Variants in WWOX observed in about 807,000 individuals in gnomAD.
WWOX encodes WW domain containing oxidoreductase.
Under a neutral mutation model 46.2 loss-of-function variants are expected in WWOX, and 69 were observed. The observed-to-expected ratio is 1.49, with a 90% confidence interval of 1.23 to 1.82. The LOEUF (loss-of-function observed/expected upper bound fraction) is 1.82, where lower values mean the gene tolerates loss of function less well. Ranked by LOEUF, WWOX falls within the 40% of genes most tolerant of loss-of-function variation. WWOX has a pLI of 0.00. For synonymous variants in WWOX, 359 were observed against 202.6 expected (o/e 1.77, Z -6.56); for missense variants, 919 against 542.6 (o/e 1.69, Z -6.89).
intron 5 of WWOX, among the ~76,000 whole-genome samples, chr16:78,243,387 G>A (rs1027033358): frequency 6.6e-6 from 1 of 151,740 alleles, no homozygotes; most frequent in African/African-American, 2.4e-5. Flanking sequence ...TTAGTTTCTG[G>A]GGTACTCGTG....
chr16:79,179,355 G>A (rs143703020), intron 8 of WWOX, among the ~76,000 whole-genome samples: 13 of 152,162 alleles, frequency 8.5e-5, no homozygotes, highest in Middle Eastern at 6.8e-3. Context: ...AGCAAATCAC[G>A]CCTTATTCCT....
chr16:78,558,728 C>T (rs777042790), intron 8 of WWOX, among the ~76,000 whole-genome samples: 3 of 152,224 alleles, frequency 2.0e-5, no homozygotes, highest in Non-Finnish European at 4.4e-5. Flanking sequence ...TCTCCCCAGT[C>T]TTGGCTTTGA....
intron 5 of WWOX, chr16:78,278,460 G>A (rs1031788565): frequency 2.7e-6 from 2 of 740,230 alleles, no homozygotes; most frequent in Non-Finnish European, 4.4e-6. Flanking sequence ...TTAAATAGGA[G>A]GTGTTGGAAG....
chr16:78,571,785 T>C (rs149926919), intron 8 of WWOX, among the ~76,000 whole-genome samples: 1 of 152,298 alleles, frequency 6.6e-6, no homozygotes, highest in East Asian at 1.9e-4. Flanking sequence ...GGAGAATCGC[T>C]GGAACCCGGG....
rs191497822 is a variant in WWOX at position 78,787,883 on chromosome 16, T to C, written c.1056+355131T>C. Among the ~76,000 whole-genome samples the C allele has an allele frequency of 3.1e-3, 465 of 152,322 alleles. 2 individuals are homozygous for C. Among genetic ancestry groups the C allele is most frequent in the African/African-American group, 0.011 (444 of 41,568 alleles). On this transcript the variant is annotated intron_variant, in intron 8 of 8. Coordinates refer to ENST00000566780, the MANE Select transcript of WWOX (RefSeq NM_016373.4). Reference sequence around the variant, plus strand: ...TTGTATCGTGGTTTTGATTTGCATTTCCCTCATGATTAATGATGTTGAGTA... The same window carrying C: ...TTGTATCGTGGTTTTGATTTGCATTCCCCTCATGATTAATGATGTTGAGTA...
intron 5 of WWOX, among the ~76,000 whole-genome samples, chr16:78,258,931 A>G (rs956318084): frequency 1.4e-4 from 21 of 152,174 alleles, no homozygotes; most frequent in African/African-American, 1.4e-4. Context: ...TGCTTTAAAC[A>G]TGTGTTTGGC....
At chr16:78,246,349 A>C (rs539312237) in intron 5 of WWOX, among the ~76,000 whole-genome samples, 99 of 152,148 alleles carry the variant, frequency 6.5e-4, no homozygotes, top group African/African-American at 2.3e-3. Flanking sequence ...CATGCAAAAG[A>C]CCTCCTACCT....
chr16:78,581,535 G>T (rs1156522308), intron 8 of WWOX, among the ~76,000 whole-genome samples: 2 of 152,084 alleles, frequency 1.3e-5, no homozygotes, highest in African/African-American at 4.8e-5. Flanking sequence ...CGTCTTACAC[G>T]TTAATGGTAA....
At chr16:78,688,658 G>A (rs1167894960) in intron 8 of WWOX, among the ~76,000 whole-genome samples, 1 of 152,168 alleles carries the variant, frequency 6.6e-6, no homozygotes, top group Admixed American at 6.5e-5. Context: ...AATGTCTGAG[G>A]CATTTTTAAT....
intron 5 of WWOX, among the ~76,000 whole-genome samples, chr16:78,374,829 C>T (rs1271859695): frequency 1.3e-5 from 2 of 152,166 alleles, no homozygotes; most frequent in African/African-American, 2.4e-5. Context: ...AGATTACAGG[C>T]ACGAGTCTCC....
chr16:78,296,836 G>A (rs904918667), intron 5 of WWOX, among the ~76,000 whole-genome samples: 1 of 152,140 alleles, frequency 6.6e-6, no homozygotes, highest in African/African-American at 2.4e-5. Context: ...TGAGAGCTCT[G>A]GGTCTCGTTC....
At chr16:78,109,906 T>A in intron 3 of WWOX, 71 bp downstream of exon 3, 2 of 1,497,708 alleles carry the variant, frequency 1.3e-6, no homozygotes, top group Non-Finnish European at 9.3e-7. Flanking sequence ...ATAAAAGTAA[T>A]ACATAGTAAC....
intron 5 of WWOX, among the ~76,000 whole-genome samples, chr16:78,231,108 A>G (rs923069828): frequency 2.0e-5 from 3 of 152,136 alleles, no homozygotes; most frequent in Admixed American, 1.3e-4. Flanking sequence ...ACATCACCCA[A>G]CTGTTCTCTT....
chr16:78,522,143 T>TAAAAA (rs76799048), intron 8 of WWOX, among the ~76,000 whole-genome samples: 1 of 136,704 alleles, frequency 7.3e-6, no homozygotes. Context: ...TGGAAGGCTT[T>TAAAAA]AAAAAAAAAA....
chr16:78,113,847 GTAA>G (rs1191800253), intron 3 of WWOX, among the ~76,000 whole-genome samples: 5 of 151,946 alleles, frequency 3.3e-5, no homozygotes, highest in African/African-American at 7.3e-5. Context: ...GATGAGGATG[GTAA>G]TAATTAGAAT....
chr16:78,816,144 G>T (rs546476509), intron 8 of WWOX, among the ~76,000 whole-genome samples: 3 of 152,156 alleles, frequency 2.0e-5, no homozygotes, highest in East Asian at 1.9e-4. Context: ...TCCAGTATCT[G>T]TTGTTTAAAC....
At chr16:78,263,869 T>C (rs2079301686) in intron 5 of WWOX, among the ~76,000 whole-genome samples, 1 of 152,126 alleles carries the variant, frequency 6.6e-6, no homozygotes, top group Admixed American at 6.6e-5. Context: ...GATTCACCAG[T>C]GTGCTTCTCA....
At chr16:78,939,570 T>C (rs2045810517) in intron 8 of WWOX, among the ~76,000 whole-genome samples, 1 of 152,228 alleles carries the variant, frequency 6.6e-6, no homozygotes, top group Admixed American at 6.5e-5. Flanking sequence ...AGAGGGCTGA[T>C]TTTTGTATAT....
chr16:78,757,897 G>T (rs2049695052), intron 8 of WWOX, among the ~76,000 whole-genome samples: 1 of 151,734 alleles, frequency 6.6e-6, no homozygotes, highest in Non-Finnish European at 1.5e-5. Flanking sequence ...CCTCCTAAAG[G>T]CTCCCCCTCC....
Sources: gnomAD v4.1 joint callset for allele counts (sites outside exome capture counted in the v4.1 genomes callset) on GRCh38, gnomAD v4.1.1 for gene constraint, MANE v1.5 for transcripts, NCBI Gene and HGNC (gene_info 2026-07-23, HGNC 2026-07-21) for gene names.